NALCN: variants seen among roughly 807,000 people sequenced by gnomAD.
NALCN encodes sodium leak channel NALCN.
A neutral mutation model predicts 225.3 loss-of-function variants in NALCN; 111 were observed. The ratio of observed to expected loss-of-function variants is 0.49; its 90% CI spans 0.42 to 0.58. The LOEUF (loss-of-function observed/expected upper bound fraction) is 0.58, where lower values mean the gene tolerates loss of function less well. Ranked by LOEUF, NALCN falls within the 20% of genes least tolerant of loss-of-function variation. NALCN has a pLI of 0.00. For missense variants in NALCN, 1,378 were observed against 2,202.4 expected (o/e 0.63, Z 7.49); for synonymous variants, 764 against 769.0 (o/e 0.99, Z 0.11).
rs540903856 is a variant in NALCN, at chr13:101,391,462, C to T, written c.291+3721G>A. ...CTTTGGGAGGCCGAGGTGGGAGGATCGCTTGAGTCTGGGAGTTGGAGACCA... is the reference window on the plus strand; with the variant it reads ...CTTTGGGAGGCCGAGGTGGGAGGATTGCTTGAGTCTGGGAGTTGGAGACCA... On this transcript the variant is annotated intron_variant, in intron 3 of 43. Coordinates refer to ENST00000251127, the MANE Select transcript of NALCN (RefSeq NM_052867.4). 1.3e-3 allele frequency among the ~76,000 whole-genome samples: 202 copies of T among 151,976 alleles called. 1 individual carries two copies. The highest frequency in any genetic ancestry group is 6.8e-3 in the Middle Eastern group (2 of 292).
At chr13:101,096,693 A>C (rs1170984911) in intron 27 of NALCN, among the ~76,000 whole-genome samples, 1 of 152,200 alleles carries the variant, frequency 6.6e-6, no homozygotes, top group East Asian at 1.9e-4. Context: ...TGAATTGAAC[A>C]CTTGAAGTGG....
chr13:101,168,677 G>A (rs1017837060), intron 15 of NALCN, among the ~76,000 whole-genome samples: 2 of 152,118 alleles, frequency 1.3e-5, no homozygotes, highest in African/African-American at 2.4e-5. Flanking sequence ...GCCCTCCAGT[G>A]CATTTCACAC....
intron 15 of NALCN, among the ~76,000 whole-genome samples, chr13:101,150,709 A>C (rs2037604972): frequency 6.6e-6 from 1 of 152,204 alleles, no homozygotes; most frequent in South Asian, 2.1e-4. Flanking sequence ...TGCAAGATTA[A>C]ATTTACTTTG....
At chr13:101,087,953 T>C (rs534388168) in intron 30 of NALCN, among the ~76,000 whole-genome samples, 1 of 152,306 alleles carries the variant, frequency 6.6e-6, no homozygotes, top group East Asian at 1.9e-4. Flanking sequence ...CTTCTGCTTA[T>C]ATTCTAGAAT....
intron 32 of NALCN, 77 bp from the exon 33 acceptor site, chr13:101,082,960 T>C: frequency 6.3e-7 from 1 of 1,583,458 alleles, no homozygotes; most frequent in African/African-American, 1.3e-5. Context: ...CTGCCCACTT[T>C]GCCATTGACA....
chr13:101,266,684 G>C (rs1431582655), intron 10 of NALCN, among the ~76,000 whole-genome samples: 1 of 152,094 alleles, frequency 6.6e-6, no homozygotes, highest in African/African-American at 2.4e-5. Flanking sequence ...CTTATTTGGA[G>C]AACAATGCAA....
At chr13:101,222,228 C>T (rs920136783) in intron 13 of NALCN, among the ~76,000 whole-genome samples, 1 of 152,118 alleles carries the variant, frequency 6.6e-6, no homozygotes, top group Non-Finnish European at 1.5e-5. Flanking sequence ...CTCTGAGACA[C>T]AAAAACTCAT....
Position 101,345,383 on chromosome 13 carries a change from G to T in NALCN, c.682C>A (p.His228Asn). The T allele has an allele frequency of 1.2e-6, 2 of 1,613,712 alleles. No homozygotes were observed. The highest frequency in any genetic ancestry group is 1.7e-6 in the Non-Finnish European group (2 of 1,179,748). ...CCTTCTTCTAGCTCTGGTGAGCAGT[G>T]TGTGTCTGGAATAGCTAAACTATTC... ...TWNSLAIPDT[H>N]CSPELEEGYQ... is the part of the protein sequence containing the mutation. The change falls in exon 7 of 44, where the codon CAC becomes AAC. Residue 228 changes from histidine (H) to asparagine (N), a missense_variant. His to Asn is a moderately conservative substitution (Grantham distance 68). This residue lies in a region of NALCN where 67 missense variants were observed against 82.1 expected (regional missense o/e 0.82). Coordinates refer to ENST00000251127, the MANE Select transcript of NALCN (RefSeq NM_052867.4).
At chr13:101,087,009 A>T (rs1006808211) in intron 30 of NALCN, among the ~76,000 whole-genome samples, 3 of 152,172 alleles carry the variant, frequency 2.0e-5, no homozygotes, top group African/African-American at 4.8e-5. Context: ...CTCTGAAAGG[A>T]TCTAAAAGAA....
chr13:101,340,583 C>T (rs905432804), intron 7 of NALCN, among the ~76,000 whole-genome samples: 1 of 152,208 alleles, frequency 6.6e-6, no homozygotes, highest in Non-Finnish European at 1.5e-5. Context: ...AGGTCTATCA[C>T]TTACCCCATT....
At chr13:101,093,151 C>A (rs377159947) in intron 28 of NALCN, among the ~76,000 whole-genome samples, 6 of 152,282 alleles carry the variant, frequency 3.9e-5, no homozygotes, top group South Asian at 4.1e-4. Flanking sequence ...TATTTATAAT[C>A]CATGATATGT....
At chr13:101,257,837 AAATT>A (rs1488648734) in intron 11 of NALCN, among the ~76,000 whole-genome samples, 1 of 152,222 alleles carries the variant, frequency 6.6e-6, no homozygotes, top group Non-Finnish European at 1.5e-5. Flanking sequence ...AAAGAAATAA[AAATT>A]AAAATATTTT....
At chr13:101,178,821 A>G (rs2039070052) in intron 14 of NALCN, among the ~76,000 whole-genome samples, 1 of 152,242 alleles carries the variant, frequency 6.6e-6, no homozygotes, top group Admixed American at 6.5e-5. Flanking sequence ...AAGCGGTGAT[A>G]TAAAAGAGGG....
At chr13:101,396,685 T>C (rs1481497010) in intron 2 of NALCN, among the ~76,000 whole-genome samples, 3 of 152,142 alleles carry the variant, frequency 2.0e-5, no homozygotes, top group African/African-American at 4.8e-5. Context: ...TCAATAAACA[T>C]TGGTGTGTGA....
chr13:101,326,917 G>A (rs2044974019), intron 7 of NALCN, among the ~76,000 whole-genome samples: 1 of 152,128 alleles, frequency 6.6e-6, no homozygotes, highest in African/African-American at 2.4e-5. Flanking sequence ...TTCTAGGCTA[G>A]ACTGGGCTTC....
chr13:101,088,706 C>T (rs943910542), intron 30 of NALCN, among the ~76,000 whole-genome samples: 5 of 152,130 alleles, frequency 3.3e-5, no homozygotes, highest in East Asian at 3.9e-4. Context: ...AGCTCAAGTG[C>T]CTAGATGAGC....
intron 6 of NALCN, among the ~76,000 whole-genome samples, chr13:101,365,355 T>C (rs1363100088): frequency 6.6e-6 from 1 of 152,178 alleles, no homozygotes; most frequent in Non-Finnish European, 1.5e-5. Context: ...GCTTCATTCA[T>C]GTTGCTACAA....
chr13:101,414,945 G>C (rs1373071188), intron 1 of NALCN, among the ~76,000 whole-genome samples: 1 of 151,786 alleles, frequency 6.6e-6, no homozygotes, highest in South Asian at 2.1e-4. Flanking sequence ...GCAGTGGCTA[G>C]GTCAAAGTAT....
intron 11 of NALCN, among the ~76,000 whole-genome samples, chr13:101,245,638 G>A (rs934034593): frequency 3.6e-4 from 55 of 152,130 alleles, no homozygotes; most frequent in African/African-American, 1.3e-3. Context: ...ATGCTCAACC[G>A]ATATACCTGG....
Sources: gnomAD v4.1 joint callset for allele counts (sites outside exome capture counted in the v4.1 genomes callset) on GRCh38, gnomAD v4.1.1 for gene constraint, gnomAD v4.1.1 regional missense constraint, MANE v1.5 for transcripts, NCBI Gene and HGNC (gene_info 2026-07-23, HGNC 2026-07-21) for gene names.